The following FHIT variants were observed in gnomAD, a reference collection of about 807,000 sequenced individuals.
The protein encoded by FHIT is fragile histidine triad diadenosine triphosphatase, also known as bis(5'-adenosyl)-triphosphatase.
Under a neutral mutation model 17.9 loss-of-function variants are expected in FHIT, and 19 were observed. That is an observed-to-expected ratio of 1.06 (90% CI 0.74 to 1.56). FHIT has a LOEUF of 1.56. FHIT is among the 40% of genes most tolerant of loss of function. FHIT has a pLI of 0.00. For synonymous variants in FHIT, 81 were observed against 69.7 expected (o/e 1.16, Z -0.81); for missense variants, 248 against 189.2 (o/e 1.31, Z -1.82).
At chr3:59,749,787 G>C (rs756203494) in intron 9 of FHIT, 1 of 222,130 alleles carries the variant, frequency 4.5e-6, no homozygotes, top group Non-Finnish European at 8.9e-6. Context: ...AACCCTGTGA[G>C]GATGGTTTCA....
At chr3:60,539,403 G>A (rs2107603936) in intron 4 of FHIT, among the ~76,000 whole-genome samples, 1 of 152,248 alleles carries the variant, frequency 6.6e-6, no homozygotes, top group East Asian at 1.9e-4. Context: ...CAGGGATCTA[G>A]AACTAGAAAT....
intron 1 of FHIT, among the ~76,000 whole-genome samples, chr3:61,203,566 G>C (rs2039102951): frequency 6.6e-6 from 1 of 152,146 alleles, no homozygotes; most frequent in South Asian, 2.1e-4. Flanking sequence ...ATAGTAAACA[G>C]AGAAATTAGT....
At chr3:59,941,197 T>A (rs1317343143) in intron 7 of FHIT, among the ~76,000 whole-genome samples, 1 of 152,220 alleles carries the variant, frequency 6.6e-6, no homozygotes, top group East Asian at 1.9e-4. Context: ...TGAAGACATG[T>A]TCTTTTGTGT....
intron 4 of FHIT, among the ~76,000 whole-genome samples, chr3:60,589,244 A>T (rs1160733241): frequency 6.6e-5 from 10 of 152,090 alleles, no homozygotes; most frequent in Non-Finnish European, 1.5e-5. Context: ...ATTCAAACAG[A>T]TGCAAAGCAC....
intron 3 of FHIT, among the ~76,000 whole-genome samples, chr3:60,926,820 A>G (rs1438305552): frequency 6.6e-6 from 1 of 152,226 alleles, no homozygotes; most frequent in African/African-American, 2.4e-5. Flanking sequence ...AGACTAATAA[A>G]GAAGAAGAGA....
chr3:61,218,480 T>G (rs1400596299), intron 1 of FHIT, among the ~76,000 whole-genome samples: 1 of 152,108 alleles, frequency 6.6e-6, no homozygotes, highest in Non-Finnish European at 1.5e-5. Flanking sequence ...CTAGATAAGC[T>G]TGGCTGTGAC....
chr3:60,072,148 C>T (rs1702802640), intron 5 of FHIT, among the ~76,000 whole-genome samples: 1 of 152,102 alleles, frequency 6.6e-6, no homozygotes, highest in African/African-American at 2.4e-5. Context: ...AGAGTGTTAC[C>T]AAGCCTTAGC....
At chr3:60,628,279 A>G (rs1175129037) in intron 4 of FHIT, among the ~76,000 whole-genome samples, 1 of 152,138 alleles carries the variant, frequency 6.6e-6, no homozygotes, top group Non-Finnish European at 1.5e-5. Context: ...TAGATTTCTA[A>G]TTTCACCTTA....
At chr3:60,104,961 T>C (rs1231849632) in intron 5 of FHIT, among the ~76,000 whole-genome samples, 1 of 152,154 alleles carries the variant, frequency 6.6e-6, no homozygotes, top group Non-Finnish European at 1.5e-5. Context: ...TTACTGTCTT[T>C]AGTATACTTT....
chr3:60,023,155 T>C (rs1471454937), intron 5 of FHIT, among the ~76,000 whole-genome samples: 2 of 152,226 alleles, frequency 1.3e-5, no homozygotes, highest in African/African-American at 2.4e-5. Flanking sequence ...TGAAGAAATA[T>C]TTAAAGATAA....
intron 5 of FHIT, among the ~76,000 whole-genome samples, chr3:60,212,720 T>C (rs1011711117): frequency 1.3e-5 from 2 of 152,132 alleles, no homozygotes; most frequent in African/African-American, 4.8e-5. Context: ...ATATGAAATA[T>C]CACTGGGACA....
chr3:61,031,837 CCT>C (rs3832204), intron 3 of FHIT, among the ~76,000 whole-genome samples: 10,970 of 152,176 alleles, frequency 0.072, 944 homozygotes, highest in African/African-American at 0.2. Flanking sequence ...AGATTTATTC[CCT>C]GAGGACCACC....
chr3:59,945,695 C>T (rs1025308292), intron 7 of FHIT, among the ~76,000 whole-genome samples: 7 of 152,112 alleles, frequency 4.6e-5, no homozygotes, highest in African/African-American at 1.4e-4. Context: ...TTTAATCCAT[C>T]TTGAGTTTAT....
chr3:60,629,760 C>T (rs541569285), intron 4 of FHIT, among the ~76,000 whole-genome samples: 47 of 152,238 alleles, frequency 3.1e-4, no homozygotes, highest in Non-Finnish European at 5.9e-4. Context: ...TTTAATGTAT[C>T]TAGGTAGACT....
chr3:61,081,435 G>C (rs536320759), intron 2 of FHIT, among the ~76,000 whole-genome samples: 1 of 152,174 alleles, frequency 6.6e-6, no homozygotes, highest in South Asian at 2.1e-4. Context: ...GGAAAAAACT[G>C]TTCCCTCAAA....
intron 3 of FHIT, among the ~76,000 whole-genome samples, chr3:60,893,118 T>C (rs78977573): frequency 6.6e-6 from 1 of 152,144 alleles, no homozygotes; most frequent in South Asian, 2.1e-4. Flanking sequence ...CAGAAGCCCC[T>C]TGTGTGAGAG....
intron 5 of FHIT, among the ~76,000 whole-genome samples, chr3:60,282,184 A>G (rs944169469): frequency 6.6e-6 from 1 of 152,204 alleles, no homozygotes; most frequent in Non-Finnish European, 1.5e-5. Context: ...GTTGAAAACT[A>G]ATGTTCACAC....
intron 4 of FHIT, among the ~76,000 whole-genome samples, chr3:60,772,011 G>T (rs1003946981): frequency 5.9e-5 from 9 of 152,144 alleles, no homozygotes; most frequent in Non-Finnish European, 1.3e-4. Flanking sequence ...CTGCTGACAG[G>T]TTCTTAAAAG....
intron 3 of FHIT, among the ~76,000 whole-genome samples, chr3:60,923,686 C>A (rs1553769019): frequency 6.6e-6 from 1 of 152,126 alleles, no homozygotes; most frequent in African/African-American, 2.4e-5. Flanking sequence ...AGGTTCATCT[C>A]ACTGAGGAGT....
Sources: gnomAD v4.1 joint callset for allele counts (sites outside exome capture counted in the v4.1 genomes callset) on GRCh38, gnomAD v4.1.1 for gene constraint, MANE v1.5 for transcripts, NCBI Gene and HGNC (gene_info 2026-07-23, HGNC 2026-07-21) for gene names.